Variants in G6PC1 observed in about 807,000 individuals in gnomAD.
The protein encoded by G6PC1 is glucose-6-phosphatase catalytic subunit 1.
G6PC1 carries 23 observed loss-of-function variants against 30.4 expected under a neutral mutation model. That is an observed-to-expected ratio of 0.76 (90% confidence interval 0.55 to 1.07). The LOEUF (loss-of-function observed/expected upper bound fraction) is 1.07, where lower values mean the gene tolerates loss of function less well. G6PC1 is among the 50% of genes least tolerant of loss of function. The pLI is 0.00. For missense variants in G6PC1, 391 were observed against 433.9 expected (o/e 0.90, Z 0.88); for synonymous variants, 163 against 175.6 (o/e 0.93, Z 0.57).
chr17:42,905,055 T>G (rs1020324561), intron 2 of G6PC1, among the ~76,000 whole-genome samples: 1 of 146,856 alleles, frequency 6.8e-6, no homozygotes, highest in African/African-American at 2.5e-5. Context: ...GAGGTTGCAG[T>G]GAACCGAGAT....
intron 2 of G6PC1, among the ~76,000 whole-genome samples, chr17:42,905,066 C>T (rs1367550734): frequency 2.7e-5 from 4 of 148,928 alleles, no homozygotes; most frequent in Admixed American, 6.7e-5. Context: ...GAACCGAGAT[C>T]GGACCACTGC....
At chr17:42,909,141 G>A (rs2056080223) in intron 3 of G6PC1, among the ~76,000 whole-genome samples, 162 bp from the exon 4 acceptor site, 1 of 152,118 alleles carries the variant, frequency 6.6e-6, no homozygotes, top group Non-Finnish European at 1.5e-5. Context: ...GCTGCACCCA[G>A]CCCCCAACAG....
chr17:42,903,652 G>A (rs1197822533), intron 1 of G6PC1, among the ~76,000 whole-genome samples: 6 of 151,866 alleles, frequency 4.0e-5, no homozygotes. Flanking sequence ...GTCACAATGA[G>A]CCGAGATTGC....
intron 4 of G6PC1, among the ~76,000 whole-genome samples, chr17:42,909,710 A>C (rs2056083871): frequency 1.3e-5 from 2 of 152,216 alleles, no homozygotes; most frequent in South Asian, 4.1e-4. Flanking sequence ...CTGGTCTTCA[A>C]CAGGCCCTAA....
In G6PC1 at chr17:42,909,404, C is replaced by G; in HGVS notation, c.548C>G (p.Ala183Gly). ...LAAHFPHQVV[A>G]GVLSGIAVAE... is the part of the protein sequence containing the mutation. ...GCTCATTTTCCTCATCAAGTTGTTGCTGGAGTCCTGTCAGGTATGGGCTGA... is the reference window on the plus strand; with the variant it reads ...GCTCATTTTCCTCATCAAGTTGTTGGTGGAGTCCTGTCAGGTATGGGCTGA... The change falls in exon 4 of 5, where the codon GCT becomes GGT. Residue 183 changes from alanine (A) to glycine (G), a missense_variant. By Grantham distance (60) the Ala-to-Gly change is moderately conservative (BLOSUM62 0). Coordinates refer to ENST00000253801, the MANE Select transcript of G6PC1 (RefSeq NM_000151.4). 6.2e-7 allele frequency: 1 copy of G among 1,613,530 alleles called. No individual in the cohort carries two copies. Among genetic ancestry groups the G allele is most frequent in the Non-Finnish European group, 8.5e-7 (1 of 1,179,460 alleles).
intron 1 of G6PC1, among the ~76,000 whole-genome samples, 171 bp from the exon 2 acceptor site, chr17:42,903,760 T>A (rs1758960020): frequency 1.3e-5 from 2 of 151,928 alleles, no homozygotes; most frequent in Non-Finnish European, 2.9e-5. Flanking sequence ...GTTACATACA[T>A]AAGGAAGTGT....
chr17:42,911,458 C>A lies in G6PC1; in HGVS notation c.*32C>A, dbSNP rs755143616. Reference sequence around the variant, plus strand: ...TGGAGTCTTCGGTGTTTAAAGTCAACAACCATGCCAGGGATTGAGGAGGAC... The same window carrying A: ...TGGAGTCTTCGGTGTTTAAAGTCAAAAACCATGCCAGGGATTGAGGAGGAC... On this transcript the variant is annotated 3_prime_UTR_variant, in exon 5 of 5. Transcript: ENST00000253801. 1 of 1,613,804 alleles carries A rather than the reference C, an allele frequency of 6.2e-7. No homozygotes were observed. Among genetic ancestry groups the A allele is most frequent in the South Asian group, 1.1e-5 (1 of 91,030 alleles).
intron 2 of G6PC1, 122 bp downstream of exon 2, chr17:42,904,162 T>C (rs913325516): frequency 2.7e-6 from 2 of 754,516 alleles, no homozygotes; most frequent in African/African-American, 3.4e-5. Context: ...TGCTCTTCAA[T>C]TGGCACAAAT....
intron 3 of G6PC1, among the ~76,000 whole-genome samples, chr17:42,908,547 C>T (rs1474344340): frequency 6.6e-6 from 1 of 151,644 alleles, no homozygotes; most frequent in Non-Finnish European, 1.5e-5. Flanking sequence ...GCTGGGACTA[C>T]AGGCACGTGC....
At position 42,909,414 on chromosome 17, in the gene G6PC1, G is replaced by A. The variant is rs141376085; in HGVS notation, c.558G>A (p.Leu186=). 2 of 1,610,428 alleles carry A rather than the reference G, an allele frequency of 1.2e-6. No individual in the cohort carries two copies. The highest frequency in any genetic ancestry group is 1.7e-6 in the Non-Finnish European group (2 of 1,176,658). The change falls in exon 4 of 5, where the codon CTG becomes CTA. Residue 186 remains leucine (L), a synonymous_variant. Transcript: ENST00000253801. ...HFPHQVVAGV[L]SGIAVAETFS... ...CTCATCAAGTTGTTGCTGGAGTCCT[G>A]TCAGGTATGGGCTGATCTGACTCCC...
chr17:42,910,775 A>G, intron 4 of G6PC1, 140 bp from the exon 5 acceptor site: 1 of 800,494 alleles, frequency 1.2e-6, no homozygotes. Flanking sequence ...GGAATAAGCC[A>G]GGCGACCCTC....
chr17:42,900,916 C>T lies in G6PC1; in HGVS notation c.40C>T (p.Gln14Ter). The T allele has an allele frequency of 6.2e-7, 1 of 1,614,108 alleles. No individual in the cohort carries two copies. The change falls in exon 1 of 5, where the codon CAG becomes TAG. Residue 14 changes from glutamine to a stop codon, truncating the protein, a stop_gained. Transcript: ENST00000253801. LOFTEE classifies it high-confidence loss of function. ...GAATGTTCTCCATGACTTTGGGATC[C>T]AGTCAACACATTACCTCCAGGTGAA... ...GMNVLHDFGI[Q>*]STHYLQVNYQ...
rs1201997175 is a variant in G6PC1 at position 42,912,030 on chromosome 17, A to T, written c.*604A>T. 1 of 156,282 alleles carries T rather than the reference A, an allele frequency of 6.4e-6. No individual in the cohort carries two copies. Among genetic ancestry groups the T allele is most frequent in the Non-Finnish European group, 1.4e-5 (1 of 70,678 alleles). 9.7% of individuals were successfully genotyped at this position (156,282 alleles called of 1,614,324 possible). A position where few individuals can be genotyped will look rare whatever the true frequency, so the allele number is the denominator to read the frequency against. ...GAATTTTCTACCTGTGTTCATTCTT[A>T]CCGAGAAAAGGAGAAAGGAGCTCTG... On this transcript the variant is annotated 3_prime_UTR_variant, in exon 5 of 5. Transcript: ENST00000253801.
At position 42,910,962 on chromosome 17, in the gene G6PC1, G is replaced by T. The variant is rs201961848; in HGVS notation, c.610G>T (p.Ala204Ser). ...TFSHIHSIYNASLKKYFLITF... is the reference protein window; with the variant it reads ...TFSHIHSIYNSSLKKYFLITF... Reference sequence around the variant, plus strand: ...CAGCCACATCCACAGCATCTATAATGCCAGCCTCAAGAAATATTTTCTCAT... The same window carrying T: ...CAGCCACATCCACAGCATCTATAATTCCAGCCTCAAGAAATATTTTCTCAT... The change falls in exon 5 of 5, where the codon GCC becomes TCC. Residue 204 changes from alanine (A) to serine (S), a missense_variant. Coordinates refer to ENST00000253801, the MANE Select transcript of G6PC1 (RefSeq NM_000151.4). The T allele has an allele frequency of 7.6e-4, 1,229 of 1,614,016 alleles. 16 individuals carry two copies. Among genetic ancestry groups the T allele is most frequent in the Non-Finnish European group, 4.1e-5 (48 of 1,180,024 alleles).
At chr17:42,910,024 C>T (rs1237944675) in intron 4 of G6PC1, among the ~76,000 whole-genome samples, 4 of 151,920 alleles carry the variant, frequency 2.6e-5, no homozygotes, top group East Asian at 1.9e-4. Flanking sequence ...CCACCATGCC[C>T]GGCTAATTTT....
intron 2 of G6PC1, among the ~76,000 whole-genome samples, chr17:42,906,002 C>T (rs1465005271): frequency 6.6e-6 from 1 of 150,466 alleles, no homozygotes; most frequent in Non-Finnish European, 1.5e-5. Flanking sequence ...GCTGAAATCA[C>T]ACCACTGCAC....
chr17:42,903,983 A>G lies in G6PC1; in HGVS notation c.283A>G (p.Ser95Gly). The G allele has an allele frequency of 1.2e-6, 2 of 1,614,108 alleles. No homozygotes were observed. The highest frequency in any genetic ancestry group is 1.3e-5 in the African/African-American group (1 of 75,018). Reference sequence around the variant, plus strand: ...GTGGGTTTTGGATACTGACTACTACAGCAACACTTCCGTGCCCCTGATAAA... The same window carrying G: ...GTGGGTTTTGGATACTGACTACTACGGCAACACTTCCGTGCCCCTGATAAA... Reference protein sequence around the residue: ...YWWVLDTDYYSNTSVPLIKQF... With the variant: ...YWWVLDTDYYGNTSVPLIKQF... Residue 95 changes from serine to glycine, a missense_variant, in exon 2 of 5, where the codon AGC (serine) becomes GGC (glycine). Physicochemically the swap from Ser to Gly is moderately conservative, Grantham distance 56 (BLOSUM62 0). Coordinates refer to ENST00000253801, the MANE Select transcript of G6PC1 (RefSeq NM_000151.4).
chr17:42,907,649 T>A, intron 3 of G6PC1, 21 bp downstream of exon 3: 2 of 1,531,884 alleles, frequency 1.3e-6, no homozygotes, highest in Non-Finnish European at 1.8e-6. Context: ...ACCACTGGGG[T>A]GTAGGTGGTG....
chr17:42,910,693 T>C (rs1400477673), intron 4 of G6PC1, among the ~76,000 whole-genome samples: 1 of 152,078 alleles, frequency 6.6e-6, no homozygotes, highest in East Asian at 1.9e-4. Flanking sequence ...TTGCATACGG[T>C]GGGAGATTGT....
Sources: gnomAD v4.1 joint callset for allele counts (sites outside exome capture counted in the v4.1 genomes callset) on GRCh38, gnomAD v4.1.1 for gene constraint, MANE v1.5 for transcripts, NCBI Gene and HGNC (gene_info 2026-07-23, HGNC 2026-07-21) for gene names.